The following PDGFRA variants were observed in gnomAD, a reference collection of about 807,000 sequenced individuals.
PDGFRA encodes platelet-derived growth factor receptor alpha.
In PDGFRA, 25 loss-of-function variants were observed where a neutral mutation model predicts 121.5. The ratio of observed to expected loss-of-function variants is 0.21; its 90% confidence interval spans 0.15 to 0.29. PDGFRA has a LOEUF of 0.29. PDGFRA is among the 10% of genes least tolerant of loss of function. The pLI, the probability that PDGFRA is intolerant of heterozygous loss-of-function variation, is 1.00. For missense variants in PDGFRA, 1,008 were observed against 1,345.1 expected, an observed-to-expected ratio of 0.75 and a Z score of 3.92; for synonymous variants, 463 against 494.8, an observed-to-expected ratio of 0.94 and a Z score of 0.85.
At chr4:54,235,730 T>C (rs2110175485) in intron 1 of PDGFRA, among the ~76,000 whole-genome samples, 1 of 152,218 alleles carries the variant, frequency 6.6e-6, no homozygotes, top group East Asian at 1.9e-4. Context: ...CTCACTTTCT[T>C]AGTTAAGGAG....
intron 12 of PDGFRA, among the ~76,000 whole-genome samples, chr4:54,276,100 GGT>G (rs1375529379): frequency 6.6e-6 from 1 of 152,136 alleles, no homozygotes; most frequent in African/African-American, 2.4e-5. Flanking sequence ...ACACCACCCA[GGT>G]CAATAAACTG....
At chr4:54,292,878 G>T (rs1456172260) in intron 22 of PDGFRA, among the ~76,000 whole-genome samples, 1 of 152,122 alleles carries the variant, frequency 6.6e-6, no homozygotes, top group Non-Finnish European at 1.5e-5. Context: ...GGGCATAGTT[G>T]AGGGTGCAGG....
At chr4:54,258,425 G>A (rs1015570183) in intron 1 of PDGFRA, among the ~76,000 whole-genome samples, 8 of 152,146 alleles carry the variant, frequency 5.3e-5, no homozygotes, top group African/African-American at 1.9e-4. Flanking sequence ...GTGAAAATCA[G>A]CTCTAGTTTG....
chr4:54,244,050 CA>C (rs1364596260), intron 1 of PDGFRA, among the ~76,000 whole-genome samples: 5 of 152,192 alleles, frequency 3.3e-5, no homozygotes, highest in Admixed American at 1.3e-4. Flanking sequence ...CTTAGGTAAA[CA>C]AAGCGGCTGG....
intron 1 of PDGFRA, among the ~76,000 whole-genome samples, chr4:54,256,240 T>G (rs142677615): frequency 6.6e-6 from 1 of 152,148 alleles, no homozygotes; most frequent in African/African-American, 2.4e-5. Flanking sequence ...TATTTTATTT[T>G]ATTTTATTTT....
At chr4:54,261,061 C>T (rs763470864) in intron 2 of PDGFRA, 34 bp from the exon 3 acceptor site, 2 of 1,592,092 alleles carry the variant, frequency 1.3e-6, no homozygotes, top group Admixed American at 1.7e-5. Context: ...TCCTTTCTGA[C>T]TGCATCCTAT....
At chr4:54,248,078 A>G (rs1721802221) in intron 1 of PDGFRA, among the ~76,000 whole-genome samples, 1 of 152,238 alleles carries the variant, frequency 6.6e-6, no homozygotes, top group African/African-American at 2.4e-5. Flanking sequence ...ATACAAACAA[A>G]TGGAAGACCA....
At position 54,243,847 on chromosome 4, in the gene PDGFRA, G is replaced by A. The variant is rs76441461; in HGVS notation, c.-13+14432G>A. ...GGTGACAGACGGCACCTGGAAAATC[G>A]GGTCACTCCCACCCCAATACTGCGC... On this transcript the variant is annotated intron_variant, in intron 1 of 22. Transcript: ENST00000257290. Among the ~76,000 whole-genome samples, 46 of 152,158 alleles carry A rather than the reference G, an allele frequency of 3.0e-4. 1 individual carries two copies. Among genetic ancestry groups the A allele is most frequent in the African/African-American group, 1.0e-3 (43 of 41,432 alleles).
chr4:54,231,875 T>A (rs1388747140), intron 1 of PDGFRA, among the ~76,000 whole-genome samples: 1 of 152,210 alleles, frequency 6.6e-6, no homozygotes, highest in East Asian at 1.9e-4. Context: ...CCTGGGCCAG[T>A]TTCCTCTCGG....
intron 7 of PDGFRA, among the ~76,000 whole-genome samples, chr4:54,269,713 G>A (rs1459964217): frequency 1.1e-4 from 16 of 150,888 alleles, no homozygotes; most frequent in African/African-American, 3.4e-4. Flanking sequence ...TACGATCACG[G>A]CTCACTGCAA....
chr4:54,280,769 T>A (rs964368850), intron 16 of PDGFRA: 2 of 203,664 alleles, frequency 9.8e-6, no homozygotes, highest in Admixed American at 5.3e-5. Flanking sequence ...TTAAAAAAAA[T>A]AATTATTTAT....
intron 1 of PDGFRA, among the ~76,000 whole-genome samples, chr4:54,233,189 A>C (rs1441472528): frequency 6.6e-6 from 1 of 152,204 alleles, no homozygotes; most frequent in Admixed American, 6.5e-5. Flanking sequence ...GCAGGGGCGC[A>C]GGGGCGCAGG....
At chr4:54,263,525 A>C (rs953349807) in intron 3 of PDGFRA, 142 bp from the exon 4 acceptor site, 1 of 808,976 alleles carries the variant, frequency 1.2e-6, no homozygotes, top group Non-Finnish European at 2.1e-6. Context: ...AACTAATGCC[A>C]GTGGGGCAAT....
intron 1 of PDGFRA, among the ~76,000 whole-genome samples, chr4:54,242,760 C>T (rs547728322): frequency 6.6e-6 from 1 of 152,108 alleles, no homozygotes; most frequent in Non-Finnish European, 1.5e-5. Flanking sequence ...TAATTTCTGA[C>T]AGCCTGGGAC....
At position 54,252,218 on chromosome 4, in the gene PDGFRA, C is replaced by G. The variant is rs565330594; in HGVS notation, c.-12-6539C>G. Among the ~76,000 whole-genome samples the G allele has an allele frequency of 3.3e-5, 5 of 152,196 alleles. No homozygotes were observed. The East Asian group carries it at 9.7e-4, about 29-fold the overall frequency. On this transcript the variant is annotated intron_variant, in intron 1 of 22. Coordinates refer to ENST00000257290, the MANE Select transcript of PDGFRA (RefSeq NM_006206.6). ...GCATGTATTAGAATTGGCTAGTGACCCCATATCAGCTTGGTTTTAACAATT... is the reference window on the plus strand; with the variant it reads ...GCATGTATTAGAATTGGCTAGTGACGCCATATCAGCTTGGTTTTAACAATT...
At chr4:54,234,931 G>A (rs1166556232) in intron 1 of PDGFRA, among the ~76,000 whole-genome samples, 2 of 152,182 alleles carry the variant, frequency 1.3e-5, no homozygotes, top group Admixed American at 1.3e-4. Context: ...TCCCATAAAA[G>A]GCTCCTGTTT....
rs145889561 is a variant in PDGFRA at position 54,254,016 on chromosome 4, C to T, written c.-12-4741C>T. On this transcript the variant is annotated intron_variant, in intron 1 of 22. Transcript: ENST00000257290. ...CACTGATTCTTATAGTGCCATGTTT[C>T]TCAGAATTTGTGGCTTCAATTACTT... Among the ~76,000 whole-genome samples, 950 of 152,272 alleles carry T rather than the reference C, an allele frequency of 6.2e-3. 5 individuals are homozygous for T. The highest frequency in any genetic ancestry group is 0.011 in the Non-Finnish European group (731 of 68,020).
At chr4:54,257,308 C>T (rs1722428222) in intron 1 of PDGFRA, among the ~76,000 whole-genome samples, 3 of 152,298 alleles carry the variant, frequency 2.0e-5, no homozygotes, top group Non-Finnish European at 4.4e-5. Context: ...AATAATGCAC[C>T]CTTAGTTTAG....
chr4:54,269,332 A>G (rs1234774021), intron 7 of PDGFRA, among the ~76,000 whole-genome samples: 3 of 152,156 alleles, frequency 2.0e-5, no homozygotes, highest in Non-Finnish European at 4.4e-5. Flanking sequence ...TGCTATGTGT[A>G]CAATTATCAC....
Sources: gnomAD v4.1 joint callset for allele counts (sites outside exome capture counted in the v4.1 genomes callset) on GRCh38, gnomAD v4.1.1 for gene constraint, MANE v1.5 for transcripts, NCBI Gene and HGNC (gene_info 2026-07-23, HGNC 2026-07-21) for gene names.